The following KRABD3 variants were observed in gnomAD, a reference collection of about 807,000 sequenced individuals.
KRABD3 encodes KRAB domain containing 3, also known as KRAB domain-containing protein 3.
the KRABD3 span, chr7:149,714,971 G>A: frequency 8.7e-7 from 1 of 1,147,452 alleles, no homozygotes; most frequent in Non-Finnish European, 1.1e-6. Flanking sequence ...GCGCGGACCT[G>A]GGCCGCCGCC....
At chr7:149,725,881 C>A in the KRABD3 span, 6 of 1,570,650 alleles carry the variant, frequency 3.8e-6, no homozygotes, top group East Asian at 2.3e-5. Context: ...GTGCTGTTCC[C>A]TACAGAAGCG....
the KRABD3 span, chr7:149,734,201 C>T: frequency 1.2e-5 from 12 of 1,032,828 alleles, no homozygotes; most frequent in Non-Finnish European, 1.7e-5. Context: ...CTGGGTAGAG[C>T]CCCCAGGTGC....
At chr7:149,719,115 C>G in the KRABD3 span, among the ~76,000 whole-genome samples, 1 of 152,214 alleles carries the variant, frequency 6.6e-6, no homozygotes, top group South Asian at 2.1e-4. The surrounding 1 kb of genome is among the most constrained non-coding windows in gnomAD (Gnocchi z 5.6). Context: ...TCCTTCTTGC[C>G]TCTTGTGGCT....
chr7:149,720,104 C>T, the KRABD3 span: 5 of 1,552,846 alleles, frequency 3.2e-6, no homozygotes, highest in Non-Finnish European at 3.5e-6. Context: ...GGGCAGGAGC[C>T]TGCTGGTTGT....
chr7:149,733,887 C>A, the KRABD3 span: 3 of 1,590,614 alleles, frequency 1.9e-6, no homozygotes. Flanking sequence ...TCTCCTCCTG[C>A]AGCCAGTGCA....
the KRABD3 span, chr7:149,728,405 C>G: frequency 1.7e-6 from 2 of 1,194,844 alleles, no homozygotes; most frequent in Non-Finnish European, 2.4e-6. Context: ...GTCCAGTGCT[C>G]TGTGCCCAGC....
the KRABD3 span, among the ~76,000 whole-genome samples, chr7:149,726,467 A>G: frequency 6.8e-6 from 1 of 148,088 alleles, no homozygotes; most frequent in Non-Finnish European, 1.5e-5. Context: ...AGACGAGTCT[A>G]ACTCCTGTTG....
the KRABD3 span, chr7:149,729,896 G>A: frequency 3.2e-6 from 4 of 1,252,974 alleles, no homozygotes; most frequent in Non-Finnish European, 4.0e-6. Flanking sequence ...ACTGCTAATG[G>A]CTTCCAAGGA....
At chr7:149,719,010 A>G in the KRABD3 span, among the ~76,000 whole-genome samples, 2 of 152,312 alleles carry the variant, frequency 1.3e-5, no homozygotes, top group South Asian at 2.1e-4. The surrounding 1 kb of genome is among the most constrained non-coding windows in gnomAD (Gnocchi z 5.6). Flanking sequence ...AACTAGGTGG[A>G]CAGCAAGAAT....
the KRABD3 span, chr7:149,730,208 T>A: frequency 2.5e-6 from 4 of 1,574,996 alleles, no homozygotes; most frequent in Non-Finnish European, 3.4e-6. Flanking sequence ...GGATCTTGCC[T>A]GTAAGGCCCT....
At chr7:149,720,514 A>G in the KRABD3 span, among the ~76,000 whole-genome samples, 1 of 152,254 alleles carries the variant, frequency 6.6e-6, no homozygotes, top group Admixed American at 6.5e-5. Context: ...GGGTGCCAGG[A>G]AAGGCAGAGG....
the KRABD3 span, chr7:149,721,911 C>A: frequency 2.4e-6 from 1 of 413,554 alleles, no homozygotes; most frequent in South Asian, 2.1e-5. Context: ...CAGAGCAGGG[C>A]AAGGGGAGCT....
chr7:149,733,874 G>A, the KRABD3 span: 1 of 1,592,722 alleles, frequency 6.3e-7, no homozygotes, highest in Non-Finnish European at 8.5e-7. Context: ...CCTGCAGGGA[G>A]CCTCTCCTCC....
At chr7:149,732,353 T>A in the KRABD3 span, among the ~76,000 whole-genome samples, 1 of 152,220 alleles carries the variant, frequency 6.6e-6, no homozygotes, top group African/African-American at 2.4e-5. The surrounding 1 kb of genome is among the most constrained non-coding windows in gnomAD (Gnocchi z 4.0). Context: ...TCCTTATTGA[T>A]GAACTTGACC....
At chr7:149,722,719 T>A in the KRABD3 span, 1 of 1,534,686 alleles carries the variant, frequency 6.5e-7, no homozygotes, top group East Asian at 2.3e-5. Context: ...CCTGAATGCC[T>A]GCCAGCGCTC....
the KRABD3 span, chr7:149,723,741 C>T: frequency 1.1e-5 from 17 of 1,612,440 alleles, no homozygotes; most frequent in Admixed American, 5.0e-5. Flanking sequence ...TAGTGAAGAC[C>T]GAGGCGGTTT....
chr7:149,717,343 A>G, the KRABD3 span, among the ~76,000 whole-genome samples: 2 of 152,192 alleles, frequency 1.3e-5, no homozygotes, highest in South Asian at 4.1e-4. Flanking sequence ...CCTGACACCT[A>G]AATACCTGGA....
chr7:149,723,907 G>A, the KRABD3 span: 1 of 1,611,002 alleles, frequency 6.2e-7, no homozygotes. Flanking sequence ...CTTCTCGCTG[G>A]GCTGGGAGGG....
the KRABD3 span, among the ~76,000 whole-genome samples, chr7:149,728,140 G>A: frequency 6.6e-6 from 1 of 152,274 alleles, no homozygotes; most frequent in Non-Finnish European, 1.5e-5. Context: ...GGGGGCCTGT[G>A]TTGTTGCCCT....
Sources: gnomAD v4.1 joint callset for allele counts (sites outside exome capture counted in the v4.1 genomes callset) on GRCh38, gnomAD v4.1.1 for gene constraint, Gnocchi (gnomAD v3.1) non-coding constraint, MANE v1.5 for transcripts, NCBI Gene and HGNC (gene_info 2026-07-23, HGNC 2026-07-21) for gene names.